SCYL2: variants seen among roughly 807,000 people sequenced by gnomAD.
The protein encoded by SCYL2 is SCY1 like pseudokinase 2.
A neutral mutation model predicts 100.4 loss-of-function variants in SCYL2; 36 were observed. That is an observed-to-expected ratio of 0.36 (90% CI 0.27 to 0.47). SCYL2 has a LOEUF of 0.47. Among genes scored for constraint, SCYL2 ranks in the 20% least tolerant of loss-of-function variants. SCYL2 has a pLI of 1.00. For missense variants in SCYL2, 902 were observed against 1,083.9 expected (o/e 0.83, Z 2.36); for synonymous variants, 330 against 359.2 (o/e 0.92, Z 0.92).
chr12:100,274,741 A>G (rs2096290943), intron 1 of SCYL2, among the ~76,000 whole-genome samples: 1 of 152,212 alleles, frequency 6.6e-6, no homozygotes, highest in South Asian at 2.1e-4. Flanking sequence ...GGTTAAGGAA[A>G]ATCTTCAGGA....
At chr12:100,333,238 G>C (rs746836019) in intron 13 of SCYL2, among the ~76,000 whole-genome samples, 9 of 152,150 alleles carry the variant, frequency 5.9e-5, no homozygotes, top group Non-Finnish European at 1.2e-4. Flanking sequence ...AGCTGCTGCT[G>C]ATAGAGCATG....
At chr12:100,307,028 A>G (rs1418961804) in intron 4 of SCYL2, among the ~76,000 whole-genome samples, 1 of 152,232 alleles carries the variant, frequency 6.6e-6, no homozygotes, top group African/African-American at 2.4e-5. Context: ...TTCCATGCAC[A>G]TGGATAGGAA....
chr12:100,316,114 T>C (rs548582069), intron 9 of SCYL2, among the ~76,000 whole-genome samples: 1 of 152,368 alleles, frequency 6.6e-6, no homozygotes, highest in African/African-American at 2.4e-5. Flanking sequence ...ATTTTGTTAT[T>C]TAAGTCTTTA....
chr12:100,291,780 T>C, intron 3 of SCYL2, 120 bp downstream of exon 3: 1 of 871,482 alleles, frequency 1.1e-6, no homozygotes, highest in Non-Finnish European at 1.7e-6. Flanking sequence ...AAGTGTTGAG[T>C]TCTTATGCAT....
chr12:100,313,815 A>C (rs906063213), intron 7 of SCYL2, among the ~76,000 whole-genome samples: 3 of 152,184 alleles, frequency 2.0e-5, no homozygotes, highest in Non-Finnish European at 4.4e-5. Context: ...AGTCACAATT[A>C]AGTAAACAGA....
chr12:100,289,835 T>C (rs1287134656), intron 2 of SCYL2, among the ~76,000 whole-genome samples: 2 of 152,214 alleles, frequency 1.3e-5, no homozygotes, highest in African/African-American at 4.8e-5. Context: ...ATTGGGTTTA[T>C]ATCACATCAT....
At chr12:100,302,661 C>T (rs534358760) in intron 4 of SCYL2, among the ~76,000 whole-genome samples, 5 of 152,276 alleles carry the variant, frequency 3.3e-5, no homozygotes, top group Non-Finnish European at 7.4e-5. Flanking sequence ...GTGGGTAACC[C>T]GACCTTTCTC....
intron 1 of SCYL2, among the ~76,000 whole-genome samples, chr12:100,277,186 G>A (rs1246033348): frequency 2.0e-5 from 3 of 152,050 alleles, no homozygotes; most frequent in African/African-American, 2.4e-5. Context: ...TGAATGTTAC[G>A]TGTCTACATG....
chr12:100,278,960 T>G (rs2096295387), intron 1 of SCYL2, among the ~76,000 whole-genome samples: 2 of 152,156 alleles, frequency 1.3e-5, no homozygotes, highest in Non-Finnish European at 2.9e-5. Context: ...TGTTCTTATA[T>G]GTAATTTACT....
chr12:100,308,350 A>C (rs2096337347), intron 4 of SCYL2, among the ~76,000 whole-genome samples: 1 of 152,184 alleles, frequency 6.6e-6, no homozygotes, highest in Admixed American at 6.5e-5. Flanking sequence ...ACGTGGATGA[A>C]GCTGGAAACT....
chr12:100,286,388 T>G (rs1241838919), intron 2 of SCYL2, among the ~76,000 whole-genome samples: 2 of 152,222 alleles, frequency 1.3e-5, no homozygotes, highest in East Asian at 3.8e-4. Context: ...ATTGATTCAT[T>G]TAACATTTAT....
chr12:100,301,277 G>C (rs1222719947), intron 4 of SCYL2, among the ~76,000 whole-genome samples: 3 of 151,988 alleles, frequency 2.0e-5, no homozygotes, highest in Non-Finnish European at 4.4e-5. Flanking sequence ...TCTTATGCCT[G>C]TTTGCCATTT....
chr12:100,319,626 T>A lies in SCYL2; in HGVS notation c.1395+1701T>A, dbSNP rs112629353. Among the ~76,000 whole-genome samples the A allele has an allele frequency of 7.8e-3, 1,194 of 152,234 alleles. 17 individuals are homozygous for A. Among genetic ancestry groups the A allele is most frequent in the African/African-American group, 0.028 (1,144 of 41,540 alleles). On this transcript the variant is annotated intron_variant, in intron 10 of 17. Transcript: ENST00000360820. ...CCTCCGCCTCCTGGGTTCAAGCAGT[T>A]CTCGTGTCTCAGCCTCCCAGGTACC...
chr12:100,298,337 G>T (rs1052484579), intron 4 of SCYL2, among the ~76,000 whole-genome samples, 162 bp downstream of exon 4: 1 of 152,062 alleles, frequency 6.6e-6, no homozygotes, highest in Non-Finnish European at 1.5e-5. Context: ...TCTGCAGTTT[G>T]TTGTTCGGGT....
At chr12:100,329,084 TG>T in intron 12 of SCYL2, 116 bp from the exon 13 acceptor site, 1 of 573,790 alleles carries the variant, frequency 1.7e-6, no homozygotes, top group South Asian at 2.4e-5. Context: ...AGGCATTGAT[TG>T]GGAAAAACTT....
At chr12:100,304,223 C>T (rs1367897908) in intron 4 of SCYL2, among the ~76,000 whole-genome samples, 1 of 152,078 alleles carries the variant, frequency 6.6e-6, no homozygotes, top group African/African-American at 2.4e-5. Flanking sequence ...TGAGCAAGAC[C>T]ACTTGGTTCC....
intron 13 of SCYL2, among the ~76,000 whole-genome samples, chr12:100,333,269 G>A (rs191436155): frequency 6.6e-6 from 1 of 152,272 alleles, no homozygotes; most frequent in East Asian, 1.9e-4. Context: ...GTATAACGTA[G>A]TAGAAAAGGG....
intron 1 of SCYL2, among the ~76,000 whole-genome samples, chr12:100,274,596 T>C (rs1419797695): frequency 6.6e-6 from 1 of 152,184 alleles, no homozygotes; most frequent in Non-Finnish European, 1.5e-5. Flanking sequence ...TCTCATAGAA[T>C]TAAATCTACA....
At chr12:100,287,529 CT>C (rs1592934740) in intron 2 of SCYL2, among the ~76,000 whole-genome samples, 1 of 152,192 alleles carries the variant, frequency 6.6e-6, no homozygotes, top group African/African-American at 2.4e-5. Flanking sequence ...GTGACAAATA[CT>C]ACAGTCTTTT....
Sources: gnomAD v4.1 joint callset for allele counts (sites outside exome capture counted in the v4.1 genomes callset) on GRCh38, gnomAD v4.1.1 for gene constraint, MANE v1.5 for transcripts, NCBI Gene and HGNC (gene_info 2026-07-23, HGNC 2026-07-21) for gene names.